The following NXPH2 variants were observed in gnomAD, a reference collection of about 807,000 sequenced individuals.
NXPH2 encodes the protein neurexophilin-2.
Under a neutral mutation model 19.8 loss-of-function variants are expected in NXPH2, and 5 were observed. That is an observed-to-expected ratio of 0.25 (90% CI 0.13 to 0.53). The LOEUF is 0.53. Among genes scored for constraint, NXPH2 ranks in the 20% least tolerant of loss-of-function variants. The pLI is 0.96. For synonymous variants in NXPH2, 154 were observed against 127.4 expected (o/e 1.21, Z -1.41); for missense variants, 289 against 322.8 (o/e 0.90, Z 0.80).
chr2:138,737,183 T>C (rs748920398), intron 1 of NXPH2, among the ~76,000 whole-genome samples: 3 of 152,184 alleles, frequency 2.0e-5, no homozygotes, highest in Non-Finnish European at 4.4e-5. Flanking sequence ...CTGGTACCAA[T>C]TTGGTGTATT....
intron 1 of NXPH2, among the ~76,000 whole-genome samples, chr2:138,689,691 G>A (rs1267605478): frequency 6.6e-6 from 1 of 152,174 alleles, no homozygotes; most frequent in African/African-American, 2.4e-5. Flanking sequence ...GGCAAATTTA[G>A]CCGTCTATTA....
At chr2:138,718,693 T>G (rs1681230013) in intron 1 of NXPH2, among the ~76,000 whole-genome samples, 1 of 152,190 alleles carries the variant, frequency 6.6e-6, no homozygotes, top group Non-Finnish European at 1.5e-5. Flanking sequence ...TATGAGTGGC[T>G]AAAGGTAAGT....
At position 138,761,134 on chromosome 2, in the gene NXPH2, A is replaced by C. The variant is rs1180963836; in HGVS notation, c.51+19057T>G. 2.6e-5 allele frequency among the ~76,000 whole-genome samples: 4 copies of C among 152,194 alleles called. No homozygotes were observed. In the Middle Eastern group the frequency reaches 0.01, roughly 388 times the overall value. On this transcript the variant is annotated intron_variant, in intron 1 of 1. Transcript: ENST00000272641. ...CATAAAGATCCAAAGATTTTGTTGAAACCTATTGCCACCATCTGCCCCCAC... is the reference window on the plus strand; with the variant it reads ...CATAAAGATCCAAAGATTTTGTTGACACCTATTGCCACCATCTGCCCCCAC...
At chr2:138,673,901 A>G (rs1308181733) in intron 1 of NXPH2, among the ~76,000 whole-genome samples, 2 of 152,006 alleles carry the variant, frequency 1.3e-5, no homozygotes, top group Non-Finnish European at 2.9e-5. Context: ...TTTCTATGAG[A>G]TCAAGTTTTT....
intron 1 of NXPH2, among the ~76,000 whole-genome samples, chr2:138,723,346 T>C (rs1166458700): frequency 6.6e-6 from 1 of 152,064 alleles, no homozygotes; most frequent in East Asian, 1.9e-4. Flanking sequence ...GAATGAAAAA[T>C]CATGGTTGAG....
intron 1 of NXPH2, among the ~76,000 whole-genome samples, chr2:138,715,463 A>G (rs905523995): frequency 3.3e-5 from 5 of 152,214 alleles, no homozygotes; most frequent in Admixed American, 6.5e-5. Flanking sequence ...AACAAACATC[A>G]CAATAGCAGG....
chr2:138,675,844 T>A (rs1222248258), intron 1 of NXPH2, among the ~76,000 whole-genome samples: 1 of 152,118 alleles, frequency 6.6e-6, no homozygotes, highest in East Asian at 1.9e-4. Flanking sequence ...GATTAGTCAA[T>A]GTAATAAAAA....
At chr2:138,703,831 C>G (rs142914382) in intron 1 of NXPH2, among the ~76,000 whole-genome samples, 1 of 152,274 alleles carries the variant, frequency 6.6e-6, no homozygotes, top group East Asian at 1.9e-4. Flanking sequence ...TTACTGAGAA[C>G]CCATCATGTG....
intron 1 of NXPH2, among the ~76,000 whole-genome samples, chr2:138,768,891 G>T (rs1401434417): frequency 6.6e-6 from 1 of 152,192 alleles, no homozygotes; most frequent in East Asian, 1.9e-4. Context: ...TTATTAGCTT[G>T]TCCAAGATGC....
At chr2:138,736,170 C>T (rs1011033974) in intron 1 of NXPH2, among the ~76,000 whole-genome samples, 6 of 152,330 alleles carry the variant, frequency 3.9e-5, no homozygotes, top group Non-Finnish European at 8.8e-5. Flanking sequence ...CTCACAGCTA[C>T]ACTAGGTGGT....
intron 1 of NXPH2, among the ~76,000 whole-genome samples, chr2:138,745,747 C>T (rs1435442107): frequency 6.6e-6 from 1 of 151,914 alleles, no homozygotes; most frequent in Non-Finnish European, 1.5e-5. Context: ...TTTGCAAATG[C>T]CAGGCACATC....
At chr2:138,679,186 C>T (rs1324862248) in intron 1 of NXPH2, among the ~76,000 whole-genome samples, 1 of 152,178 alleles carries the variant, frequency 6.6e-6, no homozygotes, top group East Asian at 1.9e-4. Flanking sequence ...AAACTTTGAG[C>T]TTCTGGGGTT....
At chr2:138,728,251 G>A (rs116568491) in intron 1 of NXPH2, among the ~76,000 whole-genome samples, 3,175 of 152,198 alleles carry the variant, frequency 0.021, 51 homozygotes, top group Non-Finnish European at 0.033. Context: ...GGAGAAGATG[G>A]CCACTTGTGA....
intron 1 of NXPH2, among the ~76,000 whole-genome samples, chr2:138,693,359 G>A (rs1680772584): frequency 6.6e-6 from 1 of 152,172 alleles, no homozygotes; most frequent in Non-Finnish European, 1.5e-5. Context: ...TTTAGGAGTA[G>A]GCTGGTTTGG....
intron 1 of NXPH2, among the ~76,000 whole-genome samples, chr2:138,747,099 T>G (rs143277790): frequency 9.7e-4 from 147 of 152,296 alleles, no homozygotes; most frequent in African/African-American, 3.4e-3. Flanking sequence ...TTGAACATTC[T>G]CCTATTGATG....
At chr2:138,737,235 G>A (rs953111646) in intron 1 of NXPH2, among the ~76,000 whole-genome samples, 7 of 152,136 alleles carry the variant, frequency 4.6e-5, no homozygotes, top group South Asian at 4.1e-4. Context: ...TCCAAGACTG[G>A]AAAGAAAAAG....
chr2:138,681,246 T>C (rs1178420733), intron 1 of NXPH2, among the ~76,000 whole-genome samples: 2 of 152,236 alleles, frequency 1.3e-5, no homozygotes, highest in Non-Finnish European at 2.9e-5. Context: ...TTTATAGGTG[T>C]GTTAAAAATA....
At chr2:138,689,549 A>G (rs191719934) in intron 1 of NXPH2, among the ~76,000 whole-genome samples, 4 of 152,304 alleles carry the variant, frequency 2.6e-5, no homozygotes, top group African/African-American at 7.2e-5. Flanking sequence ...GAGGTAAAGT[A>G]CCAAGGAAGA....
intron 1 of NXPH2, among the ~76,000 whole-genome samples, chr2:138,701,996 G>A (rs546681872): frequency 5.3e-5 from 8 of 152,202 alleles, no homozygotes; most frequent in African/African-American, 1.7e-4. Context: ...AAGCTAGTGT[G>A]GAGGAATATC....
Sources: gnomAD v4.1 joint callset for allele counts (sites outside exome capture counted in the v4.1 genomes callset) on GRCh38, gnomAD v4.1.1 for gene constraint, MANE v1.5 for transcripts, NCBI Gene and HGNC (gene_info 2026-07-23, HGNC 2026-07-21) for gene names.